COLEC10: variants seen among roughly 807,000 people sequenced by gnomAD.
COLEC10 encodes the protein collectin-10.
In COLEC10, 22 loss-of-function variants were observed where a neutral mutation model predicts 28.4. That is an observed-to-expected ratio of 0.78 (90% CI 0.55 to 1.11). The LOEUF is 1.11. COLEC10 is among the 50% of genes least tolerant of loss of function. The pLI is 0.00. For synonymous variants in COLEC10, 125 were observed against 116.1 expected (o/e 1.08, Z -0.49); for missense variants, 361 against 344.1 (o/e 1.05, Z -0.39).
intron 2 of COLEC10, among the ~76,000 whole-genome samples, chr8:119,040,374 T>C (rs1296319631): frequency 6.6e-6 from 1 of 152,160 alleles, no homozygotes; most frequent in Non-Finnish European, 1.5e-5. Context: ...TTTTCTCAAT[T>C]CTTTAGTATC....
intron 2 of COLEC10, among the ~76,000 whole-genome samples, chr8:119,037,785 T>C (rs574627646): frequency 1.3e-5 from 2 of 152,340 alleles, no homozygotes; most frequent in African/African-American, 4.8e-5. Flanking sequence ...TTCTCTTCTT[T>C]TGTTCGTGTA....
At chr8:119,100,487 A>G (rs1198984828) in intron 3 of COLEC10, among the ~76,000 whole-genome samples, 2 of 152,174 alleles carry the variant, frequency 1.3e-5, no homozygotes, top group Non-Finnish European at 2.9e-5. Flanking sequence ...AGAAATAAGG[A>G]ATTTGCAGGA....
intron 2 of COLEC10, among the ~76,000 whole-genome samples, chr8:119,012,396 A>G (rs965179334): frequency 2.7e-5 from 4 of 150,468 alleles, no homozygotes; most frequent in African/African-American, 7.5e-5. Context: ...ATTTTTGCAT[A>G]TATGTTCATG....
intron 1 of COLEC10, among the ~76,000 whole-genome samples, chr8:119,009,258 A>C (rs1301404942): frequency 6.6e-6 from 1 of 150,822 alleles, no homozygotes; most frequent in Non-Finnish European, 1.5e-5. Context: ...TTCCACCAAC[A>C]CTTATGTTGA....
chr8:119,014,813 C>G (rs1395278219), intron 2 of COLEC10, among the ~76,000 whole-genome samples: 2 of 150,952 alleles, frequency 1.3e-5, no homozygotes, highest in East Asian at 3.9e-4. Flanking sequence ...TTGAGATAGC[C>G]TGAAACGCAG....
At chr8:118,956,178 G>A in the COLEC10 span, among the ~76,000 whole-genome samples, 1 of 152,084 alleles carries the variant, frequency 6.6e-6, no homozygotes, top group Non-Finnish European at 1.5e-5. Flanking sequence ...AATCGTATTT[G>A]TTAAGACTCC....
At chr8:119,027,209 A>T (rs951125555) in intron 2 of COLEC10, among the ~76,000 whole-genome samples, 1 of 152,190 alleles carries the variant, frequency 6.6e-6, no homozygotes, top group South Asian at 2.1e-4. Flanking sequence ...CACTCAAGAC[A>T]CCTGGGAAAA....
intron 2 of COLEC10, among the ~76,000 whole-genome samples, chr8:119,028,128 C>G (rs76039178): frequency 6.6e-6 from 1 of 152,116 alleles, no homozygotes; most frequent in Non-Finnish European, 1.5e-5. Flanking sequence ...CCATTTAGTA[C>G]AAGGTCCTCA....
chr8:119,039,628 T>TA lies in COLEC10; in HGVS notation n.235+30081dup, dbSNP rs543509710. ...ATGGCAACAATTACAATTTAGGAGA[T>TA]AAAAAATCCAAAGATGGGTATCACT... is the stretch of plus-strand genomic sequence containing the variant. On this transcript the variant is annotated intron_variant and non_coding_transcript_variant, in intron 2 of 6. Transcript: ENST00000521788. 2.0e-5 allele frequency among the ~76,000 whole-genome samples: 3 copies of TA among 152,186 alleles called. No individual in the cohort carries two copies. In the East Asian group the frequency reaches 5.8e-4, roughly 29 times the overall value.
Position 119,103,858 on chromosome 8 carries a change from T to C in COLEC10, c.405T>C (p.Ile135=). The stretch of plus-strand genomic sequence containing the variant: ...TTGTTGGACAACTGGATATTAGTAT[T>C]GCTCGGCTCAAGACATCTATGAAGT... The part of the protein sequence containing the change: ...RKFVGQLDIS[I]ARLKTSMKFV... Residue 135 remains isoleucine, a synonymous_variant, in exon 5 of 6, where the codon ATT becomes ATC. Coordinates refer to ENST00000332843, the MANE Select transcript of COLEC10 (RefSeq NM_006438.5). The C allele has an allele frequency of 6.2e-7, 1 of 1,612,752 alleles. No individual in the cohort carries two copies. The highest frequency in any genetic ancestry group is 1.1e-5 in the South Asian group (1 of 91,058).
chr8:119,100,777 G>A (rs528106090), intron 3 of COLEC10, among the ~76,000 whole-genome samples: 2 of 152,040 alleles, frequency 1.3e-5, no homozygotes, highest in African/African-American at 2.4e-5. Context: ...AGATTTCACC[G>A]TTGTCTCATT....
upstream of COLEC10, among the ~76,000 whole-genome samples, chr8:119,063,984 G>A (rs1329405601): frequency 6.6e-6 from 1 of 152,072 alleles, no homozygotes; most frequent in Admixed American, 6.6e-5. Flanking sequence ...TGATTGGCTT[G>A]TTGTCTATTT....
chr8:119,021,610 C>T (rs1471010495), intron 2 of COLEC10, among the ~76,000 whole-genome samples: 1 of 152,174 alleles, frequency 6.6e-6, no homozygotes, highest in Non-Finnish European at 1.5e-5. Flanking sequence ...TATGAACTTA[C>T]TGAGCAACAC....
At position 119,076,284 on chromosome 8, in the gene COLEC10, G is replaced by A. The variant is rs185974738; in HGVS notation, c.148+8855G>A. Reference sequence around the variant, plus strand: ...ATTCTTTTTTTTTTTTTTTTGAGACGGAGTTTTGCTCTTGTTGCCCAGGCT... The same window carrying A: ...ATTCTTTTTTTTTTTTTTTTGAGACAGAGTTTTGCTCTTGTTGCCCAGGCT... On this transcript the variant is annotated intron_variant, in intron 1 of 5. Coordinates refer to ENST00000332843, the MANE Select transcript of COLEC10 (RefSeq NM_006438.5). Among the ~76,000 whole-genome samples the A allele has an allele frequency of 8.4e-3, 1,223 of 146,172 alleles. 16 individuals are homozygous for A. Among genetic ancestry groups the A allele is most frequent in the African/African-American group, 0.03 (1,161 of 39,142 alleles).
At chr8:118,974,324 A>C in the COLEC10 span, among the ~76,000 whole-genome samples, 1 of 151,984 alleles carries the variant, frequency 6.6e-6, no homozygotes, top group Non-Finnish European at 1.5e-5. Flanking sequence ...AGGAAGTATG[A>C]TAAGAGAAAT....
At chr8:119,053,272 A>C (rs1814706231) in intron 2 of COLEC10, among the ~76,000 whole-genome samples, 1 of 152,102 alleles carries the variant, frequency 6.6e-6, no homozygotes, top group South Asian at 2.1e-4. Flanking sequence ...GAGGGTCAAG[A>C]TGCTAAAAAG....
chr8:119,103,228 T>A (rs1815874631), intron 4 of COLEC10, among the ~76,000 whole-genome samples: 1 of 152,192 alleles, frequency 6.6e-6, no homozygotes, highest in East Asian at 1.9e-4. Context: ...TCATAGTTAA[T>A]CCACAAACTG....
intron 1 of COLEC10, chr8:119,068,335 A>G (rs1294883878): frequency 2.0e-5 from 3 of 152,246 alleles, no homozygotes; most frequent in African/African-American, 7.2e-5. Flanking sequence ...TCACTGAATT[A>G]ATTTTCCTCT....
chr8:119,008,722 G>A (rs1356714293), intron 1 of COLEC10, among the ~76,000 whole-genome samples: 2 of 150,814 alleles, frequency 1.3e-5, no homozygotes, highest in Non-Finnish European at 2.9e-5. Context: ...ATGCATGTCT[G>A]TAATCTTGAG....
Sources: allele counts gnomAD v4.1 joint callset (sites outside exome capture counted in the v4.1 genomes callset), GRCh38; gene constraint gnomAD v4.1.1; transcripts MANE v1.5; gene names NCBI Gene and HGNC (gene_info 2026-07-23, HGNC 2026-07-21).